CLSTN2: variants seen among roughly 807,000 people sequenced by gnomAD.
The protein encoded by CLSTN2 is calsyntenin-2.
Under a neutral mutation model 101.2 loss-of-function variants are expected in CLSTN2, and 48 were observed. The ratio of observed to expected loss-of-function variants is 0.47; its 90% CI spans 0.38 to 0.60. The LOEUF (loss-of-function observed/expected upper bound fraction) is 0.60. Among genes scored for constraint, CLSTN2 ranks in the 20% least tolerant of loss-of-function variants. CLSTN2 has a pLI of 0.00. For missense variants in CLSTN2, 1,160 were observed against 1,238.2 expected (o/e 0.94, Z 0.95); for synonymous variants, 481 against 463.6 (o/e 1.04, Z -0.48).
intron 2 of CLSTN2, among the ~76,000 whole-genome samples, chr3:140,313,139 C>T (rs1267846138): frequency 1.3e-5 from 2 of 152,040 alleles, no homozygotes; most frequent in Non-Finnish European, 2.9e-5. Flanking sequence ...ATCCAGAAAC[C>T]CTATTTTGGT....
chr3:140,561,802 A>G (rs747864897), intron 12 of CLSTN2, among the ~76,000 whole-genome samples: 5 of 152,190 alleles, frequency 3.3e-5, no homozygotes, highest in Non-Finnish European at 7.4e-5. Flanking sequence ...AACCATCCCA[A>G]GACCCTTGCC....
chr3:140,065,911 G>A (rs76755374), intron 1 of CLSTN2, among the ~76,000 whole-genome samples: 3,208 of 152,226 alleles, frequency 0.021, 129 homozygotes, highest in African/African-American at 0.073. Flanking sequence ...CCCAACCATG[G>A]TGGAAAGAGA....
chr3:140,181,124 C>T (rs2010401467), intron 2 of CLSTN2, among the ~76,000 whole-genome samples: 1 of 152,206 alleles, frequency 6.6e-6, no homozygotes, highest in East Asian at 1.9e-4. Flanking sequence ...GGCTCTGCCA[C>T]TTACTAGCTG....
intron 1 of CLSTN2, among the ~76,000 whole-genome samples, chr3:140,106,941 A>T (rs779902385): frequency 7.9e-5 from 12 of 152,206 alleles, no homozygotes; most frequent in Non-Finnish European, 1.5e-4. Context: ...GGGATATCTG[A>T]GTAGGAATTC....
intron 2 of CLSTN2, among the ~76,000 whole-genome samples, chr3:140,309,702 C>T (rs1428280643): frequency 2.0e-5 from 3 of 152,038 alleles, no homozygotes; most frequent in African/African-American, 7.2e-5. Flanking sequence ...CAAGAGTCAC[C>T]CCCACGTGCC....
chr3:140,033,071 A>C (rs1488550003), intron 1 of CLSTN2, among the ~76,000 whole-genome samples: 1 of 152,204 alleles, frequency 6.6e-6, no homozygotes, highest in Non-Finnish European at 1.5e-5. Context: ...ACTTATTTTT[A>C]AAACTGGAAT....
chr3:140,055,858 C>T (rs2107770443), intron 1 of CLSTN2, among the ~76,000 whole-genome samples: 1 of 152,288 alleles, frequency 6.6e-6, no homozygotes, highest in Admixed American at 6.5e-5. Context: ...AGCCTTAGAT[C>T]AAAGGAGGGT....
chr3:140,556,532 A>G lies in CLSTN2; in HGVS notation c.1694A>G (p.Gln565Arg). 2 of 1,614,014 alleles carry G rather than the reference A, an allele frequency of 1.2e-6. No individual in the cohort carries two copies. Among genetic ancestry groups the G allele is most frequent in the South Asian group, 2.2e-5 (2 of 91,084 alleles). Reference protein sequence around the residue: ...QGIKYHFNPSQSILVMEGDDI... With the variant: ...QGIKYHFNPSRSILVMEGDDI... Reference sequence around the variant, plus strand: ...TTCCAGTATCACTTCAACCCCTCGCAGTCCATCCTGGTGATGGAAGGTGAC... The same window carrying G: ...TTCCAGTATCACTTCAACCCCTCGCGGTCCATCCTGGTGATGGAAGGTGAC... Residue 565 changes from glutamine to arginine, a missense_variant, in exon 11 of 17, where the codon CAG (glutamine) becomes CGG (arginine). Physicochemically the swap from Gln to Arg is conservative, Grantham distance 43. Transcript: ENST00000458420.
chr3:140,273,838 A>G (rs2086767447), intron 2 of CLSTN2, among the ~76,000 whole-genome samples: 1 of 152,176 alleles, frequency 6.6e-6, no homozygotes, highest in African/African-American at 2.4e-5. Flanking sequence ...TGATCAGTTC[A>G]TATCACTACA....
chr3:140,151,558 T>A (rs997385982), intron 1 of CLSTN2, among the ~76,000 whole-genome samples: 1 of 151,906 alleles, frequency 6.6e-6, no homozygotes, highest in Non-Finnish European at 1.5e-5. Flanking sequence ...GGTGGCTTGA[T>A]CTGGTCTGTG....
At chr3:140,071,640 T>G (rs1200809824) in intron 1 of CLSTN2, among the ~76,000 whole-genome samples, 1 of 151,946 alleles carries the variant, frequency 6.6e-6, no homozygotes. Context: ...GACCATCCTG[T>G]CTAACACGGT....
chr3:140,301,941 A>G (rs1478092452), intron 2 of CLSTN2, among the ~76,000 whole-genome samples: 2 of 151,874 alleles, frequency 1.3e-5, no homozygotes, highest in Non-Finnish European at 2.9e-5. Flanking sequence ...CTATTAGGGT[A>G]CACAGAATGG....
chr3:140,157,653 T>G (rs556291071), intron 1 of CLSTN2, among the ~76,000 whole-genome samples: 1 of 152,336 alleles, frequency 6.6e-6, no homozygotes, highest in Non-Finnish European at 1.5e-5. Context: ...GTTAACAATC[T>G]ATCAGTCTTG....
At chr3:140,116,577 G>C (rs1402250467) in intron 1 of CLSTN2, among the ~76,000 whole-genome samples, 1 of 152,108 alleles carries the variant, frequency 6.6e-6, no homozygotes, top group East Asian at 1.9e-4. Context: ...TCACCTGCAG[G>C]GCCGATCCTG....
chr3:140,174,276 G>T (rs1359219748), intron 1 of CLSTN2, among the ~76,000 whole-genome samples: 1 of 152,114 alleles, frequency 6.6e-6, no homozygotes. Context: ...AGTCACCTTT[G>T]CTCCGGTTCC....
At chr3:140,170,180 A>C (rs1189552746) in intron 1 of CLSTN2, among the ~76,000 whole-genome samples, 1 of 152,212 alleles carries the variant, frequency 6.6e-6, no homozygotes, top group East Asian at 1.9e-4. Flanking sequence ...GTTGATCTGG[A>C]TGCAAATAAT....
intron 8 of CLSTN2, among the ~76,000 whole-genome samples, chr3:140,495,466 A>G (rs1420684426): frequency 1.3e-5 from 2 of 152,112 alleles, no homozygotes; most frequent in African/African-American, 2.4e-5. Flanking sequence ...CTTTAGTTTA[A>G]TTAGATCCCA....
chr3:139,948,165 CT>C (rs1243870521), intron 1 of CLSTN2, among the ~76,000 whole-genome samples: 1 of 152,062 alleles, frequency 6.6e-6, no homozygotes, highest in African/African-American at 2.4e-5. Flanking sequence ...TCAAGGACTG[CT>C]TTTGAAGGTA....
intron 2 of CLSTN2, among the ~76,000 whole-genome samples, chr3:140,209,159 T>C (rs1405697062): frequency 6.6e-6 from 1 of 152,214 alleles, no homozygotes; most frequent in African/African-American, 2.4e-5. Context: ...AATCAAAATC[T>C]ATGATGTATG....
Sources: gnomAD v4.1 joint callset for allele counts (sites outside exome capture counted in the v4.1 genomes callset) on GRCh38, gnomAD v4.1.1 for gene constraint, MANE v1.5 for transcripts, NCBI Gene and HGNC (gene_info 2026-07-23, HGNC 2026-07-21) for gene names.